Variants in EYS observed in about 807,000 individuals in gnomAD.
EYS encodes the protein EGF-like photoreceptor maintenance factor.
EYS carries 250 observed loss-of-function variants against 282.1 expected under a neutral mutation model. The observed-to-expected ratio is 0.89, with a 90% CI of 0.80 to 0.98. The LOEUF (loss-of-function observed/expected upper bound fraction) is 0.98. Among genes scored for constraint, EYS ranks in the 50% least tolerant of loss-of-function variants. The pLI, the probability that EYS is intolerant of heterozygous loss-of-function variation, is 0.00. For synonymous variants in EYS, 1,355 were observed against 1,282.9 expected, an observed-to-expected ratio of 1.06 and a Z score of -1.20; for missense variants, 4,016 against 3,709.0, an observed-to-expected ratio of 1.08 and a Z score of -2.15.
At chr6:64,298,926 G>A in intron 30 of EYS, among the ~76,000 whole-genome samples, 1 of 152,120 alleles carries the variant, frequency 6.6e-6, no homozygotes, top group Non-Finnish European at 1.5e-5. Flanking sequence ...ATTAAAAAAT[G>A]TTAAAACCAA....
chr6:65,417,909 C>T (rs1171303428), intron 5 of EYS, among the ~76,000 whole-genome samples: 1 of 151,916 alleles, frequency 6.6e-6, no homozygotes, highest in Non-Finnish European at 1.5e-5. Flanking sequence ...GTAAATCATG[C>T]ATAGAATACC....
At chr6:64,456,099 CAA>C (rs1297444616) in intron 26 of EYS, among the ~76,000 whole-genome samples, 1 of 151,554 alleles carries the variant, frequency 6.6e-6, no homozygotes, top group Admixed American at 6.6e-5. Flanking sequence ...ATTTTCATAC[CAA>C]AGTTTTATTT....
intron 30 of EYS, among the ~76,000 whole-genome samples, chr6:64,291,224 A>T: frequency 6.6e-6 from 1 of 151,962 alleles, no homozygotes; most frequent in Admixed American, 6.6e-5. Context: ...ACAGTTTTAA[A>T]TATATGCAAT....
chr6:65,636,006 T>C (rs1239163322), intron 2 of EYS, among the ~76,000 whole-genome samples: 1 of 152,230 alleles, frequency 6.6e-6, no homozygotes, highest in Non-Finnish European at 1.5e-5. Context: ...CCCCATCTTC[T>C]GTGTAGTGTG....
chr6:64,863,494 A>T (rs1766314756), intron 19 of EYS, among the ~76,000 whole-genome samples: 2 of 152,194 alleles, frequency 1.3e-5, no homozygotes, highest in Non-Finnish European at 2.9e-5. Flanking sequence ...ATTTATGCTG[A>T]ATAGTAAAGA....
At chr6:64,478,183 G>A (rs1776330503) in intron 26 of EYS, among the ~76,000 whole-genome samples, 2 of 151,828 alleles carry the variant, frequency 1.3e-5, no homozygotes, top group South Asian at 2.1e-4. Flanking sequence ...GTGTTTAAGT[G>A]CTCTGATTAG....
chr6:63,904,976 C>T (rs1581958782), intron 35 of EYS, among the ~76,000 whole-genome samples: 1 of 152,340 alleles, frequency 6.6e-6, no homozygotes, highest in East Asian at 1.9e-4. Context: ...CATTGTTGTG[C>T]AACTGTCACC....
chr6:64,114,144 A>C (rs116005739), intron 31 of EYS, among the ~76,000 whole-genome samples: 1 of 152,180 alleles, frequency 6.6e-6, no homozygotes, highest in African/African-American at 2.4e-5. Context: ...TCTCCAGACA[A>C]TATTATGAGC....
chr6:64,094,007 GGTAATC>G (rs1772480141), intron 31 of EYS, among the ~76,000 whole-genome samples: 1 of 152,102 alleles, frequency 6.6e-6, no homozygotes, highest in Non-Finnish European at 1.5e-5. Context: ...CATCTATTGA[GGTAATC>G]ATGTGGTTTT....
rs993305703 is a variant in EYS at position 65,200,768 on chromosome 6, C to T, written c.2023+95095G>A. Among the ~76,000 whole-genome samples, 59 of 148,002 alleles carry T rather than the reference C, an allele frequency of 4.0e-4. 1 individual carries two copies. Among genetic ancestry groups the T allele is most frequent in the Admixed American group, 3.7e-3 (56 of 14,978 alleles). On this transcript the variant is annotated intron_variant, in intron 12 of 42. Transcript: ENST00000503581. ...CGAAATTCTAAATATTAAAAAATTG[C>T]TTAGCCACAAAATTTTCTCAAGCTT...
intron 11 of EYS, chr6:65,329,720 A>T (rs544918437): frequency 6.2e-5 from 60 of 974,392 alleles, no homozygotes; most frequent in Non-Finnish European, 7.2e-5. Flanking sequence ...AGAAATTACA[A>T]TAGTCTTAGA....
intron 24 of EYS, among the ~76,000 whole-genome samples, chr6:64,600,829 C>T (rs182537945): frequency 1.5e-3 from 224 of 152,156 alleles, no homozygotes; most frequent in Non-Finnish European, 2.5e-3. Context: ...ATACATATTT[C>T]TTTTTCCCTT....
At chr6:64,071,260 C>T (rs1188485964) in intron 32 of EYS, among the ~76,000 whole-genome samples, 3 of 152,074 alleles carry the variant, frequency 2.0e-5, no homozygotes, top group South Asian at 4.1e-4. Flanking sequence ...CTTACTCATC[C>T]AGGTTCTCTG....
intron 1 of EYS, among the ~76,000 whole-genome samples, chr6:65,659,032 C>T (rs1767920607): frequency 6.6e-6 from 1 of 151,344 alleles, no homozygotes; most frequent in Non-Finnish European, 1.5e-5. Flanking sequence ...CTTTATTCCA[C>T]TCTTAGTTTA....
At chr6:64,549,160 C>A (rs1309844322) in intron 26 of EYS, among the ~76,000 whole-genome samples, 1 of 152,162 alleles carries the variant, frequency 6.6e-6, no homozygotes, top group Non-Finnish European at 1.5e-5. Context: ...TTGGGGATAA[C>A]CATGATAATA....
chr6:63,821,100 T>C (rs1478789074), intron 36 of EYS: 2 of 151,846 alleles, frequency 1.3e-5, no homozygotes, highest in Admixed American at 1.3e-4. Context: ...AAGCCATTCA[T>C]ATATAATATT....
chr6:63,855,417 CAGATT>C (rs1170730601), intron 36 of EYS, among the ~76,000 whole-genome samples: 1 of 152,152 alleles, frequency 6.6e-6, no homozygotes, highest in Non-Finnish European at 1.5e-5. Flanking sequence ...GGAAATATTT[CAGATT>C]AGACTATTCA....
At chr6:64,502,088 A>G (rs1777064374) in intron 26 of EYS, among the ~76,000 whole-genome samples, 1 of 152,224 alleles carries the variant, frequency 6.6e-6, no homozygotes, top group Non-Finnish European at 1.5e-5. Context: ...CCATACAAGC[A>G]GTAGCTGTAA....
chr6:64,220,236 C>T (rs943692382), intron 31 of EYS, among the ~76,000 whole-genome samples: 1 of 152,084 alleles, frequency 6.6e-6, no homozygotes, highest in Non-Finnish European at 1.5e-5. Flanking sequence ...ATTAAATACA[C>T]CTTGGTTGGA....
Sources: gnomAD v4.1 joint callset for allele counts (sites outside exome capture counted in the v4.1 genomes callset) on GRCh38, gnomAD v4.1.1 for gene constraint, MANE v1.5 for transcripts, NCBI Gene and HGNC (gene_info 2026-07-23, HGNC 2026-07-21) for gene names.